Variants in CTIF observed in about 807,000 individuals in gnomAD.
CTIF encodes the protein CBP80/20-dependent translation initiation factor.
CTIF carries 21 observed loss-of-function variants against 66.0 expected under a neutral mutation model. That is an observed-to-expected ratio of 0.32 (90% CI 0.23 to 0.46). The LOEUF (loss-of-function observed/expected upper bound fraction) is 0.46. CTIF is among the 20% of genes least tolerant of loss of function. The pLI, the probability that CTIF is intolerant of heterozygous loss-of-function variation, is 1.00. For synonymous variants in CTIF, 345 were observed against 326.4 expected (o/e 1.06, Z -0.62); for missense variants, 739 against 812.7 (o/e 0.91, Z 1.10).
chr18:48,746,995 G>C (rs1907281492), intron 7 of CTIF, among the ~76,000 whole-genome samples: 1 of 152,046 alleles, frequency 6.6e-6, no homozygotes, highest in Non-Finnish European at 1.5e-5. Context: ...GGTTCTTTGA[G>C]TAGACATAGC....
chr18:48,827,423 G>A (rs553371168), intron 10 of CTIF, among the ~76,000 whole-genome samples: 21 of 152,278 alleles, frequency 1.4e-4, no homozygotes, highest in African/African-American at 4.6e-4. Context: ...GAAGGTGGGA[G>A]CCCAGATGGA....
chr18:48,709,827 T>C (rs572820508), intron 6 of CTIF, among the ~76,000 whole-genome samples: 5 of 152,254 alleles, frequency 3.3e-5, no homozygotes, highest in African/African-American at 7.2e-5. Context: ...CAGAGGCCTA[T>C]TGTGGCTGCC....
chr18:48,694,524 A>G (rs2091978156), intron 6 of CTIF, among the ~76,000 whole-genome samples: 1 of 152,260 alleles, frequency 6.6e-6, no homozygotes, highest in Non-Finnish European at 1.5e-5. Context: ...TGTCTGCTAC[A>G]GAGCCATGGT....
intron 1 of CTIF, among the ~76,000 whole-genome samples, chr18:48,577,379 C>T (rs2143752721): frequency 6.6e-6 from 1 of 152,324 alleles, no homozygotes; most frequent in African/African-American, 2.4e-5. Flanking sequence ...CGGCTTCTCT[C>T]ACACCTGGAC....
At chr18:48,617,375 G>A (rs1269129355) in intron 1 of CTIF, among the ~76,000 whole-genome samples, 4 of 152,174 alleles carry the variant, frequency 2.6e-5, no homozygotes, top group Admixed American at 6.5e-5. Flanking sequence ...TCTTAAAGTC[G>A]ACTAATTTGG....
At chr18:48,552,044 C>T (rs778059942) in intron 1 of CTIF, among the ~76,000 whole-genome samples, 2 of 152,140 alleles carry the variant, frequency 1.3e-5, no homozygotes, top group Non-Finnish European at 1.5e-5. Flanking sequence ...CCTCGTGATC[C>T]GCCCGCCTAG....
chr18:48,545,155 T>G (rs769137993), intron 1 of CTIF, among the ~76,000 whole-genome samples: 4 of 152,104 alleles, frequency 2.6e-5, no homozygotes, highest in Non-Finnish European at 5.9e-5. Flanking sequence ...TGTGGAGGCA[T>G]GAGGCTGCCT....
intron 1 of CTIF, among the ~76,000 whole-genome samples, chr18:48,546,079 A>G (rs2088741911): frequency 6.6e-6 from 1 of 152,168 alleles, no homozygotes; most frequent in Admixed American, 6.5e-5. Flanking sequence ...GAAGCCCTGG[A>G]ACCTGCTTCC....
chr18:48,756,924 G>C (rs1469454717), intron 7 of CTIF, among the ~76,000 whole-genome samples: 1 of 152,164 alleles, frequency 6.6e-6, no homozygotes, highest in Admixed American at 6.5e-5. Context: ...CTGTTTGCTA[G>C]GTTGCTGTAA....
intron 4 of CTIF, among the ~76,000 whole-genome samples, chr18:48,664,237 C>T: frequency 6.6e-6 from 1 of 152,210 alleles, no homozygotes; most frequent in East Asian, 1.9e-4. Context: ...CAGGCCCACA[C>T]TTGTTTCATA....
chr18:48,628,808 C>CCT (rs958107158), intron 2 of CTIF, among the ~76,000 whole-genome samples: 3 of 151,776 alleles, frequency 2.0e-5, no homozygotes, highest in Admixed American at 6.6e-5. Flanking sequence ...CAAAAGCCTC[C>CCT]CTCTCTCTCT....
At chr18:48,565,117 G>T (rs537924818) in intron 1 of CTIF, 1 of 151,736 alleles carries the variant, frequency 6.6e-6, no homozygotes, top group Non-Finnish European at 1.5e-5. Context: ...ATTAACTCGG[G>T]TCTTGATTTG....
chr18:48,675,228 G>T (rs1484888152), intron 6 of CTIF, among the ~76,000 whole-genome samples: 1 of 152,210 alleles, frequency 6.6e-6, no homozygotes, highest in African/African-American at 2.4e-5. Flanking sequence ...CACAAGGCTG[G>T]TGTCCTGGTA....
chr18:48,697,734 G>T (rs1226404676), intron 6 of CTIF, among the ~76,000 whole-genome samples: 1 of 152,104 alleles, frequency 6.6e-6, no homozygotes, highest in Non-Finnish European at 1.5e-5. Flanking sequence ...AGGGGATTGG[G>T]GAGCAATCCA....
intron 1 of CTIF, among the ~76,000 whole-genome samples, chr18:48,559,359 C>T (rs1028972924): frequency 1.3e-5 from 2 of 152,024 alleles, no homozygotes; most frequent in Non-Finnish European, 2.9e-5. Context: ...TCCTACCACC[C>T]CCCCCAATCC....
At chr18:48,797,940 G>A (rs1599064800) in intron 9 of CTIF, among the ~76,000 whole-genome samples, 1 of 152,154 alleles carries the variant, frequency 6.6e-6, no homozygotes. Context: ...GGCAAAGCCA[G>A]TAGCAGGTGG....
intron 3 of CTIF, among the ~76,000 whole-genome samples, chr18:48,656,803 CG>C (rs891456581): frequency 6.6e-6 from 1 of 151,984 alleles, no homozygotes; most frequent in East Asian, 1.9e-4. Flanking sequence ...TTTCAGCAAC[CG>C]GGGGGGCAGG....
chr18:48,776,950 C>T (rs1599024970), intron 9 of CTIF, among the ~76,000 whole-genome samples: 1 of 152,222 alleles, frequency 6.6e-6, no homozygotes, highest in Admixed American at 6.5e-5. Flanking sequence ...GCCTTCTACC[C>T]TGATGGTGGC....
intron 9 of CTIF, among the ~76,000 whole-genome samples, chr18:48,802,686 G>A (rs1236627944): frequency 2.0e-5 from 3 of 152,206 alleles, no homozygotes; most frequent in East Asian, 3.8e-4. Context: ...TCAGGCAGGC[G>A]GCAGAGAAGA....
Sources: gnomAD v4.1 joint callset for allele counts (sites outside exome capture counted in the v4.1 genomes callset) on GRCh38, gnomAD v4.1.1 for gene constraint, MANE v1.5 for transcripts, NCBI Gene and HGNC (gene_info 2026-07-23, HGNC 2026-07-21) for gene names.